The following ERC2 variants were observed in gnomAD, a reference collection of about 807,000 sequenced individuals.
ERC2 encodes the protein ERC protein 2.
In ERC2, 42 loss-of-function variants were observed where a neutral mutation model predicts 114.8. The observed-to-expected ratio is 0.37, with a 90% confidence interval of 0.29 to 0.47. The LOEUF (loss-of-function observed/expected upper bound fraction) is 0.47, where lower values mean the gene tolerates loss of function less well. Ranked by LOEUF, ERC2 falls within the 20% of genes least tolerant of loss-of-function variation. The pLI is 0.99. For synonymous variants in ERC2, 454 were observed against 425.5 expected, an observed-to-expected ratio of 1.07 and a Z score of -0.82; for missense variants, 939 against 1,150.7, an observed-to-expected ratio of 0.82 and a Z score of 2.66.
At chr3:55,891,363 C>T (rs7639013) in intron 13 of ERC2, among the ~76,000 whole-genome samples, 13,655 of 151,344 alleles carry the variant, frequency 0.09, 693 homozygotes, top group South Asian at 0.17. Flanking sequence ...CTTTGTTGTG[C>T]TTTGCCTCTG....
At chr3:55,594,577 G>A (rs1056065702) in intron 17 of ERC2, among the ~76,000 whole-genome samples, 4 of 152,134 alleles carry the variant, frequency 2.6e-5, no homozygotes, top group Admixed American at 6.5e-5. Context: ...CGCACCCTGG[G>A]TTCATGTGAT....
At chr3:56,276,971 G>A (rs557592783) in intron 3 of ERC2, among the ~76,000 whole-genome samples, 40 of 152,294 alleles carry the variant, frequency 2.6e-4, no homozygotes, top group African/African-American at 8.7e-4. Context: ...ATCAGGGCCC[G>A]AGGCCATACA....
chr3:56,368,114 A>G lies in ERC2; in HGVS notation c.657+66237T>C, dbSNP rs978358830. ...ACTCCAAACCTGTGTATCACTCAAT[A>G]TACCCATGTAACAAACCTGCACATG... is the stretch of plus-strand genomic sequence containing the variant. On this transcript the variant is annotated intron_variant, in intron 2 of 17. Transcript: ENST00000288221. 1.4e-4 allele frequency among the ~76,000 whole-genome samples: 21 copies of G among 151,616 alleles called. 1 individual carries two copies. Among genetic ancestry groups the G allele is most frequent in the South Asian group, 4.2e-4 (2 of 4,792 alleles).
At chr3:55,550,745 A>G (rs112105310) in intron 17 of ERC2, among the ~76,000 whole-genome samples, 2,011 of 152,262 alleles carry the variant, frequency 0.013, 43 homozygotes, top group African/African-American at 0.043. Flanking sequence ...GGCCGGGCGC[A>G]GTGGCTCACG....
intron 17 of ERC2, among the ~76,000 whole-genome samples, chr3:55,634,372 G>A (rs895364827): frequency 2.6e-5 from 4 of 152,154 alleles, no homozygotes; most frequent in Non-Finnish European, 5.9e-5. Context: ...GGACCAGCCT[G>A]CTCTATTTCT....
At chr3:55,929,679 G>C (rs189881517) in intron 13 of ERC2, among the ~76,000 whole-genome samples, 1 of 152,302 alleles carries the variant, frequency 6.6e-6, no homozygotes, top group East Asian at 1.9e-4. Flanking sequence ...AGTGTTGAAG[G>C]AAGGGCCTAG....
At chr3:56,214,320 T>C (rs56964695) in intron 3 of ERC2, among the ~76,000 whole-genome samples, 7,168 of 141,872 alleles carry the variant, frequency 0.051, 378 homozygotes, top group Admixed American at 0.091. Flanking sequence ...AGCTGAAAAC[T>C]ACAGCACGAG....
chr3:55,996,512 A>C (rs2071522335), intron 10 of ERC2, among the ~76,000 whole-genome samples: 1 of 152,182 alleles, frequency 6.6e-6, no homozygotes, highest in Non-Finnish European at 1.5e-5. Flanking sequence ...ATTTAGAGCA[A>C]CTCTCAAGCA....
At chr3:55,663,817 A>T (rs1344295810) in intron 17 of ERC2, among the ~76,000 whole-genome samples, 2 of 152,226 alleles carry the variant, frequency 1.3e-5, no homozygotes, top group African/African-American at 4.8e-5. Flanking sequence ...TGAGTACCAC[A>T]CTGTCCCCCA....
chr3:56,263,314 A>G (rs1350400398), intron 3 of ERC2, among the ~76,000 whole-genome samples: 1 of 151,884 alleles, frequency 6.6e-6, no homozygotes, highest in African/African-American at 2.4e-5. Context: ...GTGTTTCTGG[A>G]AGAGCTTAGC....
intron 14 of ERC2, among the ~76,000 whole-genome samples, chr3:55,854,990 C>A (rs921411569): frequency 6.6e-6 from 1 of 152,246 alleles, no homozygotes; most frequent in East Asian, 1.9e-4. Context: ...GCCAAAAGCA[C>A]GATGCTCAAA....
rs184720638 is a variant in ERC2, at chr3:55,703,160, A to G, written c.2713-3648T>C. On this transcript the variant is annotated intron_variant, in intron 15 of 17. Coordinates refer to ENST00000288221, the MANE Select transcript of ERC2 (RefSeq NM_015576.3). ...TCTCACCTCCCATTGAACACATTCC[A>G]TAGCCAGAGTGACATCAGATTTCTG... 2.8e-4 allele frequency among the ~76,000 whole-genome samples: 42 copies of G among 152,272 alleles called. No homozygotes were observed. The East Asian group carries it at 7.7e-3, about 28-fold the overall frequency.
intron 6 of ERC2, among the ~76,000 whole-genome samples, chr3:56,102,631 A>ATATAT (rs1291036889): frequency 5.3e-5 from 8 of 152,174 alleles, no homozygotes; most frequent in Non-Finnish European, 7.4e-5. Flanking sequence ...GGAATATATA[A>ATATAT]TTAGACAAAG....
At position 55,729,837 on chromosome 3, in the gene ERC2, C is replaced by CAAAAAAAAAAAAAAAAAAAAAAAAA. The variant is rs71096498; in HGVS notation, c.2712+4909_2712+4933dup. 1.6e-4 allele frequency among the ~76,000 whole-genome samples: 10 copies of CAAAAAAAAAAAAAAAAAAAAAAAAA among 61,634 alleles called. 3 individuals are homozygous for CAAAAAAAAAAAAAAAAAAAAAAAAA. The highest frequency in any genetic ancestry group is 8.5e-4 in the Admixed American group (3 of 3,524). 40.4% of individuals were successfully genotyped at this position (61,634 alleles called of 152,430 possible). A position where few individuals can be genotyped will look rare whatever the true frequency, so the allele number is the denominator to read the frequency against. On this transcript the variant is annotated intron_variant, in intron 15 of 17. Transcript: ENST00000288221. ...AGGGTAATGCAGTGAGACTCTATCGCAAAAAAAAAAAAAAAAAAAAAAAAA... is the reference window on the plus strand; with the variant it reads ...AGGGTAATGCAGTGAGACTCTATCGCAAAAAAAAAAAAAAAAAAAAAAAAAAAAAAAAAAAAAAAAAAAAAAAAAA...
intron 2 of ERC2, among the ~76,000 whole-genome samples, chr3:56,306,258 T>A (rs952613415): frequency 2.0e-5 from 3 of 152,088 alleles, no homozygotes; most frequent in African/African-American, 7.2e-5. Flanking sequence ...ACAGAAAAAG[T>A]CTGCTGGCCC....
At chr3:55,541,316 C>T (rs572635278) in intron 17 of ERC2, among the ~76,000 whole-genome samples, 17 of 152,064 alleles carry the variant, frequency 1.1e-4, no homozygotes, top group African/African-American at 1.9e-4. Flanking sequence ...TTTACAAAGA[C>T]GCTGAAACAG....
chr3:55,611,656 G>A (rs1014025653), intron 17 of ERC2, among the ~76,000 whole-genome samples: 1 of 152,092 alleles, frequency 6.6e-6, no homozygotes, highest in African/African-American at 2.4e-5. Context: ...GCATGTCTCG[G>A]CTATCCCATG....
At chr3:55,916,841 C>T (rs1308994280) in intron 13 of ERC2, among the ~76,000 whole-genome samples, 4 of 152,144 alleles carry the variant, frequency 2.6e-5, no homozygotes, top group African/African-American at 7.2e-5. Flanking sequence ...AAGACTTGGT[C>T]TTTCTTGCCC....
At chr3:56,082,800 G>A (rs544999813) in intron 6 of ERC2, among the ~76,000 whole-genome samples, 4 of 152,000 alleles carry the variant, frequency 2.6e-5, no homozygotes, top group Admixed American at 6.6e-5. Flanking sequence ...GGTGAGTGTC[G>A]GTCAAGCATT....
Sources: allele counts gnomAD v4.1 joint callset (sites outside exome capture counted in the v4.1 genomes callset), GRCh38; gene constraint gnomAD v4.1.1; transcripts MANE v1.5; gene names NCBI Gene and HGNC (gene_info 2026-07-23, HGNC 2026-07-21).